HHLA2: variants seen among roughly 807,000 people sequenced by gnomAD.
The protein encoded by HHLA2 is HHLA2 member of B7 family.
Under a neutral mutation model 45.9 loss-of-function variants are expected in HHLA2, and 48 were observed. The observed-to-expected ratio is 1.05, with a 90% CI of 0.83 to 1.33. HHLA2 has a LOEUF of 1.33. Among genes scored for constraint, HHLA2 ranks in the 40% most tolerant of loss-of-function variants. The pLI is 0.00. For missense variants in HHLA2, 462 were observed against 494.3 expected (o/e 0.93, Z 0.62); for synonymous variants, 161 against 173.9 (o/e 0.93, Z 0.59).
At chr3:108,339,181 A>G (rs546969363) in intron 3 of HHLA2, among the ~76,000 whole-genome samples, 141 of 152,352 alleles carry the variant, frequency 9.3e-4, no homozygotes, top group Non-Finnish European at 1.5e-3. Flanking sequence ...CAGTTTTACA[A>G]TCACTATCAA....
intron 2 of HHLA2, among the ~76,000 whole-genome samples, chr3:108,313,103 A>C (rs1468284782): frequency 6.6e-6 from 1 of 152,204 alleles, no homozygotes; most frequent in Non-Finnish European, 1.5e-5. Flanking sequence ...GTAATATGGC[A>C]TTCCAAGAGT....
chr3:108,352,954 T>A (rs1420763319), intron 4 of HHLA2, among the ~76,000 whole-genome samples: 1 of 152,238 alleles, frequency 6.6e-6, no homozygotes, highest in Non-Finnish European at 1.5e-5. Context: ...TTGTCTTCTA[T>A]GTGCTCCAAA....
At chr3:108,377,165 C>T in intron 10 of HHLA2, 93 bp from the exon 10 acceptor site, 1 of 846,940 alleles carries the variant, frequency 1.2e-6, no homozygotes, top group Non-Finnish European at 1.9e-6. Flanking sequence ...TTGCCGCCCA[C>T]CCCAAAACAC....
chr3:108,323,827 T>G (rs911284257), intron 2 of HHLA2, among the ~76,000 whole-genome samples: 9 of 152,204 alleles, frequency 5.9e-5, no homozygotes, highest in African/African-American at 2.2e-4. Flanking sequence ...AGAAGGGAAC[T>G]GAAATGAAAA....
At chr3:108,362,694 C>T (rs914054382) in intron 8 of HHLA2, among the ~76,000 whole-genome samples, 1 of 152,158 alleles carries the variant, frequency 6.6e-6, no homozygotes, top group African/African-American at 2.4e-5. Context: ...ATATTCACTG[C>T]AGCACACTGC....
chr3:108,361,573 T>C (rs2081985461), intron 7 of HHLA2, among the ~76,000 whole-genome samples: 1 of 152,198 alleles, frequency 6.6e-6, no homozygotes, highest in Non-Finnish European at 1.5e-5. Flanking sequence ...AAAGAGCCTA[T>C]GTCGAGGTTG....
chr3:108,310,428 C>T lies in HHLA2; in HGVS notation c.-191-227C>T, dbSNP rs747649297. Among the ~76,000 whole-genome samples, 150 of 152,226 alleles carry T rather than the reference C, an allele frequency of 9.9e-4. 1 individual carries two copies. Among genetic ancestry groups the T allele is most frequent in the Middle Eastern group, 3.4e-3 (1 of 294 alleles). On this transcript the variant is annotated intron_variant, in intron 1 of 10. Transcript: ENST00000619531. ...GAGATTAATGACATATTGTTCCCCT[C>T]TTATTGGAAAAAATCAGCTGGCTTA...
chr3:108,327,618 C>G (rs926124070), intron 2 of HHLA2, among the ~76,000 whole-genome samples: 1 of 152,088 alleles, frequency 6.6e-6, no homozygotes, highest in African/African-American at 2.4e-5. Context: ...ACTTATTTCC[C>G]AGTTCTTGTA....
chr3:108,339,067 C>T (rs934019566), intron 3 of HHLA2, among the ~76,000 whole-genome samples: 1 of 152,166 alleles, frequency 6.6e-6, no homozygotes, highest in Admixed American at 6.6e-5. Context: ...CTGTTTGCCA[C>T]AGGAAAGCTG....
At chr3:108,363,521 G>A (rs534810626) in intron 8 of HHLA2, among the ~76,000 whole-genome samples, 1 of 152,252 alleles carries the variant, frequency 6.6e-6, no homozygotes, top group Non-Finnish European at 1.5e-5. Context: ...TATTATTGAA[G>A]ATACAGTTTT....
At chr3:108,331,865 AC>A (rs1166552150) in intron 3 of HHLA2, among the ~76,000 whole-genome samples, 1 of 151,782 alleles carries the variant, frequency 6.6e-6, no homozygotes, top group Non-Finnish European at 1.5e-5. Context: ...TCCCCATTCT[AC>A]CTTGATGAAA....
chr3:108,351,731 C>T, intron 3 of HHLA2, 57 bp from the exon 3 acceptor site: 1 of 1,065,298 alleles, frequency 9.4e-7, no homozygotes, highest in Non-Finnish European at 1.4e-6. Flanking sequence ...CCACTCTTTT[C>T]CAATTCCCTT....
intron 8 of HHLA2, among the ~76,000 whole-genome samples, chr3:108,368,452 T>C (rs2082103882): frequency 6.8e-6 from 1 of 147,394 alleles, no homozygotes; most frequent in South Asian, 2.1e-4. Flanking sequence ...GTGTGCTGTA[T>C]TCAGGAGTCC....
intron 5 of HHLA2, among the ~76,000 whole-genome samples, chr3:108,354,031 A>C (rs2081839972): frequency 6.6e-6 from 1 of 152,146 alleles, no homozygotes; most frequent in African/African-American, 2.4e-5. Flanking sequence ...AATTGTACTT[A>C]ATACTGGGAA....
chr3:108,339,773 T>C (rs901700957), intron 3 of HHLA2, among the ~76,000 whole-genome samples: 7 of 152,148 alleles, frequency 4.6e-5, no homozygotes, highest in Non-Finnish European at 1.0e-4. Flanking sequence ...ATCTGACAAT[T>C]CCTCCTGTCA....
At chr3:108,330,621 G>A (rs992173897) in intron 3 of HHLA2, among the ~76,000 whole-genome samples, 2 of 152,118 alleles carry the variant, frequency 1.3e-5, no homozygotes, top group African/African-American at 4.8e-5. Flanking sequence ...GGGATGATGT[G>A]AAATGGTGGG....
chr3:108,304,813 G>A (rs1222202931), intron 1 of HHLA2, among the ~76,000 whole-genome samples: 1 of 152,086 alleles, frequency 6.6e-6, no homozygotes, highest in African/African-American at 2.4e-5. Flanking sequence ...CTAGTCTTGG[G>A]GGTACAGCAT....
chr3:108,325,750 A>G (rs1486281521), intron 2 of HHLA2: 1 of 253,656 alleles, frequency 3.9e-6, no homozygotes, highest in Non-Finnish European at 7.8e-6. Context: ...CACCATATCT[A>G]CGATCACCAC....
chr3:108,367,953 A>G (rs540815328), intron 8 of HHLA2, among the ~76,000 whole-genome samples: 1 of 152,318 alleles, frequency 6.6e-6, no homozygotes, highest in South Asian at 2.1e-4. Flanking sequence ...AAGGGCAGCC[A>G]GAGAGAAAGG....
Sources: gnomAD v4.1 joint callset for allele counts (sites outside exome capture counted in the v4.1 genomes callset) on GRCh38, gnomAD v4.1.1 for gene constraint, MANE v1.5 for transcripts, NCBI Gene and HGNC (gene_info 2026-07-23, HGNC 2026-07-21) for gene names.